GRID2: variants seen among roughly 807,000 people sequenced by gnomAD.
GRID2 encodes the protein glutamate ionotropic receptor delta type subunit 2.
GRID2 carries 33 observed loss-of-function variants against 114.8 expected under a neutral mutation model. That is an observed-to-expected ratio of 0.29 (90% CI 0.22 to 0.38). The LOEUF is 0.38. Ranked by LOEUF, GRID2 falls within the 10% of genes least tolerant of loss-of-function variation. The pLI is 1.00. For missense variants in GRID2, 1,184 were observed against 1,257.7 expected (o/e 0.94, Z 0.89); for synonymous variants, 505 against 449.9 (o/e 1.12, Z -1.55).
chr4:92,849,236 T>C (rs1416452138), intron 2 of GRID2, among the ~76,000 whole-genome samples: 2 of 151,968 alleles, frequency 1.3e-5, no homozygotes, highest in Admixed American at 6.6e-5. Context: ...TCTTGAGTAC[T>C]ATAATTTACC....
At chr4:92,934,375 A>AT (rs1298253887) in intron 2 of GRID2, among the ~76,000 whole-genome samples, 1 of 151,302 alleles carries the variant, frequency 6.6e-6, no homozygotes, top group African/African-American at 2.4e-5. Context: ...TTGTACATTG[A>AT]TTTTGTATCC....
intron 13 of GRID2, among the ~76,000 whole-genome samples, chr4:93,621,061 T>C (rs1650535886): frequency 6.6e-6 from 1 of 152,198 alleles, no homozygotes; most frequent in African/African-American, 2.4e-5. Flanking sequence ...GCCCAAGTCT[T>C]ACCTTTATAT....
At chr4:93,144,882 A>G (rs2149389911) in intron 4 of GRID2, among the ~76,000 whole-genome samples, 1 of 152,322 alleles carries the variant, frequency 6.6e-6, no homozygotes, top group East Asian at 1.9e-4. Flanking sequence ...GCTTGCAGAG[A>G]CAAGGGCAAA....
intron 4 of GRID2, among the ~76,000 whole-genome samples, chr4:93,146,504 G>A (rs1054434784): frequency 5.9e-5 from 9 of 151,990 alleles, no homozygotes; most frequent in Non-Finnish European, 7.4e-5. Flanking sequence ...TGGAATTTAC[G>A]TTCAAATTCA....
rs78363196 is a variant in GRID2 at position 93,401,425 on chromosome 4, T to A, written c.1347+5717T>A. 7.4e-3 allele frequency among the ~76,000 whole-genome samples: 1,122 copies of A among 152,246 alleles called. 13 individuals are homozygous for A. Among genetic ancestry groups the A allele is most frequent in the African/African-American group, 0.025 (1,053 of 41,554 alleles). On this transcript the variant is annotated intron_variant, in intron 9 of 15. Transcript: ENST00000282020. ...GCAATTGTAATTAGCACCATGTTTG[T>A]CTTTATTAGTGATGTGTAAAATAGT...
intron 2 of GRID2, among the ~76,000 whole-genome samples, chr4:92,846,034 C>G (rs1046323229): frequency 6.6e-6 from 1 of 152,066 alleles, no homozygotes; most frequent in Non-Finnish European, 1.5e-5. Flanking sequence ...AAATCTATCT[C>G]TTCTTAAACT....
rs116907653 is a variant in GRID2, at chr4:93,663,179, A to G, written c.2360+36744A>G. 2.1e-3 allele frequency among the ~76,000 whole-genome samples: 316 copies of G among 152,330 alleles called. 1 individual carries two copies. In the East Asian group the frequency reaches 0.028, roughly 14 times the overall value. On this transcript the variant is annotated intron_variant, in intron 14 of 15. Coordinates refer to ENST00000282020, the MANE Select transcript of GRID2 (RefSeq NM_001510.4). Reference sequence around the variant, plus strand: ...ACCCAAATTTCTCTAGGCCTTGCCAATTGAGGAATGCAAACAAGGCCATAT... The same window carrying G: ...ACCCAAATTTCTCTAGGCCTTGCCAGTTGAGGAATGCAAACAAGGCCATAT...
chr4:92,841,301 T>G (rs1005594598), intron 2 of GRID2, among the ~76,000 whole-genome samples: 2 of 152,094 alleles, frequency 1.3e-5, no homozygotes, highest in Non-Finnish European at 2.9e-5. Context: ...TTACCAAATA[T>G]ATATTTTTTC....
chr4:93,451,351 A>C (rs1405441956), intron 10 of GRID2, among the ~76,000 whole-genome samples: 1 of 152,132 alleles, frequency 6.6e-6, no homozygotes, highest in Non-Finnish European at 1.5e-5. Context: ...CTTCCCTGTG[A>C]AAATGAAAAT....
rs796608235 is a variant in GRID2 at position 92,704,354 on chromosome 4, AT to A, written c.244+114071del. ...TTAAGGAAGAATTTGGTATTGAGAG[AT>A]TTAATTCATTACTTCCCTAGTTGTT... On this transcript the variant is annotated intron_variant, in intron 2 of 15. Transcript: ENST00000282020. 7.2e-5 allele frequency among the ~76,000 whole-genome samples: 11 copies of A among 152,250 alleles called. No homozygotes were observed. The South Asian group carries it at 1.0e-3, about 14-fold the overall frequency.
At chr4:92,909,030 GATT>G (rs1294007797) in intron 2 of GRID2, among the ~76,000 whole-genome samples, 16 of 152,186 alleles carry the variant, frequency 1.1e-4, no homozygotes, top group African/African-American at 2.9e-4. Flanking sequence ...GAAAACTGAT[GATT>G]ATTCTGATTT....
intron 1 of GRID2, among the ~76,000 whole-genome samples, chr4:92,525,511 G>A (rs114844762): frequency 2.5e-3 from 386 of 152,146 alleles, no homozygotes; most frequent in Non-Finnish European, 4.6e-3. Flanking sequence ...AAATATGGAG[G>A]TACTCACAGT....
At position 92,555,476 on chromosome 4, in the gene GRID2, A is replaced by G. The variant is rs558180348; in HGVS notation, c.89-34655A>G. 3.9e-5 allele frequency among the ~76,000 whole-genome samples: 6 copies of G among 152,296 alleles called. No individual in the cohort carries two copies. The South Asian group carries it at 1.2e-3, about 32-fold the overall frequency. ...CATCTCAGTAGTGTTCAGGATGATA[A>G]CAGATTGCAAAAGAAATGGAAGGAA... On this transcript the variant is annotated intron_variant, in intron 1 of 15. Coordinates refer to ENST00000282020, the MANE Select transcript of GRID2 (RefSeq NM_001510.4).
At chr4:93,442,752 T>C (rs1480127253) in intron 10 of GRID2, among the ~76,000 whole-genome samples, 1 of 152,034 alleles carries the variant, frequency 6.6e-6, no homozygotes, top group Non-Finnish European at 1.5e-5. Flanking sequence ...CTTCCCCAAT[T>C]GTTTCTTTAA....
chr4:92,630,813 C>T lies in GRID2; in HGVS notation c.244+40527C>T, dbSNP rs1028198362. On this transcript the variant is annotated intron_variant, in intron 2 of 15. Coordinates refer to ENST00000282020, the MANE Select transcript of GRID2 (RefSeq NM_001510.4). The stretch of plus-strand genomic sequence containing the variant: ...AGGCTGGAAAGATTAGTAAGTTATA[C>T]TATAAATGCTTACTAAATTAGATGG... 3.3e-5 allele frequency among the ~76,000 whole-genome samples: 5 copies of T among 152,116 alleles called. No homozygotes were observed. The South Asian group carries it at 1.0e-3, about 32-fold the overall frequency.
intron 14 of GRID2, among the ~76,000 whole-genome samples, chr4:93,762,168 T>A (rs1384074704): frequency 6.6e-6 from 1 of 152,156 alleles, no homozygotes; most frequent in Admixed American, 6.5e-5. Context: ...AATTTAATAA[T>A]GTGGATATTA....
chr4:92,594,177 T>C (rs1396366298), intron 2 of GRID2, among the ~76,000 whole-genome samples: 1 of 151,832 alleles, frequency 6.6e-6, no homozygotes, highest in Non-Finnish European at 1.5e-5. Context: ...TGCATATATA[T>C]AGACACACAT....
chr4:93,316,337 A>AAAGAAAGAAAGAAAGAAAG (rs775550025), intron 8 of GRID2, among the ~76,000 whole-genome samples: 1 of 57,546 alleles, frequency 1.7e-5, no homozygotes, highest in African/African-American at 6.0e-5. Context: ...AGAAAGAAAG[A>AAAGAAAGAAAGAAAGAAAG]AAGAAGGAAG....
intron 2 of GRID2, among the ~76,000 whole-genome samples, chr4:92,963,234 A>G (rs1013156167): frequency 2.0e-5 from 3 of 151,984 alleles, no homozygotes; most frequent in Admixed American, 6.6e-5. Context: ...TAAAACAACA[A>G]TGCAGTTTGC....
Sources: allele counts gnomAD v4.1 joint callset (sites outside exome capture counted in the v4.1 genomes callset), GRCh38; gene constraint gnomAD v4.1.1; transcripts MANE v1.5; gene names NCBI Gene and HGNC (gene_info 2026-07-23, HGNC 2026-07-21).